The following XYLB variants were observed in gnomAD, a reference collection of about 807,000 sequenced individuals.
XYLB encodes xylulokinase.
In XYLB, 62 loss-of-function variants were observed where a neutral mutation model predicts 78.7. That is an observed-to-expected ratio of 0.79 (90% confidence interval 0.64 to 0.97). The LOEUF (loss-of-function observed/expected upper bound fraction) is 0.97, where lower values mean the gene tolerates loss of function less well. Among genes scored for constraint, XYLB ranks in the 50% least tolerant of loss-of-function variants. XYLB has a pLI of 0.00. For missense variants in XYLB, 687 were observed against 676.8 expected (o/e 1.02, Z -0.17); for synonymous variants, 245 against 247.4 (o/e 0.99, Z 0.09).
chr3:38,396,537 GA>G (rs912371289), intron 16 of XYLB, among the ~76,000 whole-genome samples: 1 of 152,164 alleles, frequency 6.6e-6, no homozygotes, highest in African/African-American at 2.4e-5. Flanking sequence ...CAGTGAGGGG[GA>G]TCTGGGTCGG....
At chr3:38,403,066 G>A (rs1202602361) in intron 18 of XYLB, among the ~76,000 whole-genome samples, 3 of 152,120 alleles carry the variant, frequency 2.0e-5, no homozygotes, top group Non-Finnish European at 2.9e-5. Flanking sequence ...GGAAGCCAAG[G>A]TGGGCAGATT....
At chr3:38,356,639 CATA>C (rs1482329882) in intron 2 of XYLB, 5 of 152,232 alleles carry the variant, frequency 3.3e-5, no homozygotes, top group Admixed American at 6.5e-5. Flanking sequence ...AGATACCTGG[CATA>C]ATGTTTTCAA....
intron 18 of XYLB, among the ~76,000 whole-genome samples, chr3:38,402,923 A>G (rs887815111): frequency 6.6e-6 from 1 of 152,222 alleles, no homozygotes; most frequent in Non-Finnish European, 1.5e-5. Flanking sequence ...ATAAAAATAA[A>G]TGATTAAAAT....
chr3:38,432,840 C>T, the XYLB span, among the ~76,000 whole-genome samples: 9 of 152,216 alleles, frequency 5.9e-5, no homozygotes, highest in Non-Finnish European at 1.2e-4. Context: ...TTGGCTTTCA[C>T]GGGCTGGTGT....
intron 15 of XYLB, among the ~76,000 whole-genome samples, chr3:38,393,322 T>G (rs1167614787): frequency 6.6e-6 from 1 of 152,140 alleles, no homozygotes; most frequent in Non-Finnish European, 1.5e-5. Context: ...TTTTAAATAG[T>G]TTTTATAGAA....
At position 38,370,184 on chromosome 3, in the gene XYLB, C is replaced by A. The variant is rs181348650; in HGVS notation, c.765+10C>A. 1,345 of 1,608,636 alleles carry A rather than the reference C, an allele frequency of 8.4e-4. No homozygotes were observed. Among genetic ancestry groups the A allele is most frequent in the Admixed American group, 1.4e-3 (84 of 59,820 alleles). On this transcript the variant is annotated intron_variant, in intron 9 of 18. Coordinates refer to ENST00000207870, the MANE Select transcript of XYLB (RefSeq NM_005108.4). ...ATCATGCTCAGTTGTGGTAGGTCTC[C>A]TTTCTGGTGATGTGGCTCATTTAAG...
At chr3:38,396,736 T>G (rs1281595935) in intron 16 of XYLB, among the ~76,000 whole-genome samples, 1 of 152,224 alleles carries the variant, frequency 6.6e-6, no homozygotes, top group Non-Finnish European at 1.5e-5. Flanking sequence ...TTGGGCTTGT[T>G]AATGTTAGTC....
intron 18 of XYLB, among the ~76,000 whole-genome samples, chr3:38,408,355 T>C (rs1488286055): frequency 2.8e-5 from 4 of 142,826 alleles, no homozygotes; most frequent in South Asian, 2.4e-4. Flanking sequence ...AGACACAACA[T>C]ACCAGAATCT....
downstream of XYLB, among the ~76,000 whole-genome samples, chr3:38,418,164 C>T (rs1378050395): frequency 7.0e-6 from 1 of 142,860 alleles, no homozygotes; most frequent in Non-Finnish European, 1.5e-5. Flanking sequence ...CACTGTACTC[C>T]AGCCTGGGTG....
At chr3:38,383,911 T>C (rs914966230) in intron 15 of XYLB, among the ~76,000 whole-genome samples, 4 of 152,244 alleles carry the variant, frequency 2.6e-5, no homozygotes, top group African/African-American at 7.2e-5. Context: ...CATAGTTTTG[T>C]TCCTTTGTAC....
At chr3:38,374,397 C>T in intron 10 of XYLB, 65 bp from the exon 11 acceptor site, 1 of 1,612,198 alleles carries the variant, frequency 6.2e-7, no homozygotes. Context: ...CTGGAGAGCC[C>T]TGTGGTTTGC....
the XYLB span, among the ~76,000 whole-genome samples, chr3:38,447,642 T>C: frequency 3.9e-5 from 6 of 151,996 alleles, no homozygotes; most frequent in African/African-American, 1.5e-4. Flanking sequence ...TTATACACTG[T>C]TGGTGGGAAT....
chr3:38,363,381 A>G (rs1706079573), intron 4 of XYLB, among the ~76,000 whole-genome samples: 1 of 152,156 alleles, frequency 6.6e-6, no homozygotes. Flanking sequence ...GTCAAAAATG[A>G]TCCTAATAAT....
intron 18 of XYLB, among the ~76,000 whole-genome samples, chr3:38,408,190 G>A (rs1432623536): frequency 1.3e-5 from 2 of 152,026 alleles, no homozygotes; most frequent in Non-Finnish European, 2.9e-5. Flanking sequence ...CTGTCTCTCA[G>A]ACCACAGTGC....
At chr3:38,449,077 G>A in the XYLB span, among the ~76,000 whole-genome samples, 1 of 151,968 alleles carries the variant, frequency 6.6e-6, no homozygotes, top group Non-Finnish European at 1.5e-5. Context: ...CCATACAGTT[G>A]CTCTGTGTTT....
intron 11 of XYLB, 83 bp from the exon 12 acceptor site, chr3:38,375,061 G>C: frequency 9.2e-7 from 1 of 1,084,312 alleles, no homozygotes; most frequent in Non-Finnish European, 1.4e-6. Flanking sequence ...GGGTTAAGGT[G>C]GGTGGAGTAC....
chr3:38,408,940 C>T (rs1165949955), intron 18 of XYLB, among the ~76,000 whole-genome samples: 10 of 152,030 alleles, frequency 6.6e-5, no homozygotes, highest in South Asian at 4.1e-4. Context: ...GATTCACAGC[C>T]GAATTCTACC....
rs1706785436 is a variant in XYLB, at chr3:38,375,188, G to A, written c.933G>A (p.Glu311=). 5.0e-6 allele frequency: 8 copies of A among 1,614,166 alleles called. No homozygotes were observed. Among genetic ancestry groups the A allele is most frequent in the Non-Finnish European group, 6.8e-6 (8 of 1,180,032 alleles). Residue 311 remains glutamate (E), a synonymous_variant, in exon 12 of 19, where the codon GAG becomes GAA. Transcript: ENST00000207870. ...ACACCCTGTTTCTCTGGCTCCAAGA[G>A]CCCATGCCTGCCCTGGAAGGCCACA... ...TSDTLFLWLQ[E]PMPALEGHIF...
At chr3:38,431,476 T>C in the XYLB span, among the ~76,000 whole-genome samples, 5 of 152,268 alleles carry the variant, frequency 3.3e-5, no homozygotes, top group Non-Finnish European at 5.9e-5. Context: ...TTTCTAAACA[T>C]ACGATCATGT....
Sources: allele counts gnomAD v4.1 joint callset (sites outside exome capture counted in the v4.1 genomes callset), GRCh38; gene constraint gnomAD v4.1.1; transcripts MANE v1.5; gene names NCBI Gene and HGNC (gene_info 2026-07-23, HGNC 2026-07-21).